The following HSDL2 variants were observed in gnomAD, a reference collection of about 807,000 sequenced individuals.
HSDL2 encodes hydroxysteroid dehydrogenase-like protein 2.
HSDL2 carries 27 observed loss-of-function variants against 46.3 expected under a neutral mutation model. That is an observed-to-expected ratio of 0.58 (90% CI 0.43 to 0.80). The LOEUF is 0.80. HSDL2 is among the 30% of genes least tolerant of loss of function. The pLI, the probability that HSDL2 is intolerant of heterozygous loss-of-function variation, is 0.00. For missense variants in HSDL2, 451 were observed against 502.7 expected (o/e 0.90, Z 0.98); for synonymous variants, 153 against 163.6 (o/e 0.94, Z 0.50).
chr9:112,422,188 C>T (rs939160582), intron 6 of HSDL2, among the ~76,000 whole-genome samples: 9 of 151,898 alleles, frequency 5.9e-5, no homozygotes, highest in East Asian at 3.8e-4. Context: ...CTATCCCGGG[C>T]GACAGAGTGA....
chr9:112,414,681 T>C (rs757098477), intron 4 of HSDL2, among the ~76,000 whole-genome samples: 1 of 152,186 alleles, frequency 6.6e-6, no homozygotes, highest in Non-Finnish European at 1.5e-5. Flanking sequence ...GTAGATTTAG[T>C]TTGTTTCTTC....
rs1832957156 is a variant in HSDL2, at chr9:112,454,129, G to A, written c.982G>A (p.Ala328Thr). 6.2e-7 allele frequency: 1 copy of A among 1,613,902 alleles called. No individual in the cohort carries two copies. The highest frequency in any genetic ancestry group is 8.5e-7 in the Non-Finnish European group (1 of 1,179,892). ...CTCTCTCAGTGATGATGTTGTTAAA[G>A]CCACTCAAGCAATCTATCTGTTTGA... is the stretch of plus-strand genomic sequence containing the variant. ...KDSLSDDVVK[A>T]TQAIYLFELS... is the part of the protein sequence containing the mutation. The change falls in exon 9 of 11, where the codon GCC (alanine) becomes ACC (threonine). Residue 328 changes from alanine (A) to threonine (T), a missense_variant. Transcript: ENST00000398805.
Position 112,440,208 on chromosome 9 carries a change from C to T in HSDL2, c.794-1491C>T, listed in dbSNP as rs139704783. Among the ~76,000 whole-genome samples the T allele has an allele frequency of 2.7e-3, 410 of 151,998 alleles. 2 individuals carry two copies. Among genetic ancestry groups the T allele is most frequent in the African/African-American group, 9.4e-3 (391 of 41,460 alleles). ...TAAAATTTTATTTAAATTAAAAATCCTATTAAGTATTGAGAACTTAAAATG... is the reference window on the plus strand; with the variant it reads ...TAAAATTTTATTTAAATTAAAAATCTTATTAAGTATTGAGAACTTAAAATG... On this transcript the variant is annotated intron_variant, in intron 7 of 10. Coordinates refer to ENST00000398805, the MANE Select transcript of HSDL2 (RefSeq NM_032303.5).
At chr9:112,421,065 C>T (rs1457196129) in intron 6 of HSDL2, among the ~76,000 whole-genome samples, 4 of 152,042 alleles carry the variant, frequency 2.6e-5, no homozygotes, top group African/African-American at 2.4e-5. Flanking sequence ...TGCAGTGGCT[C>T]GTGCTTGTAA....
intron 2 of HSDL2, among the ~76,000 whole-genome samples, chr9:112,404,591 T>C (rs998942128): frequency 9.3e-5 from 14 of 150,212 alleles, no homozygotes; most frequent in African/African-American, 3.4e-4. Context: ...GGAGGGGGAG[T>C]AGGGAAGTGG....
intron 8 of HSDL2, among the ~76,000 whole-genome samples, chr9:112,443,762 C>T (rs959172897): frequency 1.3e-5 from 2 of 152,188 alleles, no homozygotes; most frequent in Non-Finnish European, 2.9e-5. Context: ...ATTCTTTCCC[C>T]TGATAATCCA....
chr9:112,462,690 T>C (rs2132710513), intron 10 of HSDL2, among the ~76,000 whole-genome samples: 1 of 152,056 alleles, frequency 6.6e-6, no homozygotes, highest in South Asian at 2.1e-4. Flanking sequence ...GTTAAAACAG[T>C]ATTGTTGAGG....
rs35263826 is a variant in HSDL2 at position 112,416,105 on chromosome 9, C to CAA, written c.396-722_396-721dup. ...TGGGCAACAGAGCCAGACTCCGTCT[C>CAA]AAAAAAAAAAAAAAAGTGGATTGGC... On this transcript the variant is annotated intron_variant, in intron 4 of 10. Transcript: ENST00000398805. Among the ~76,000 whole-genome samples the CAA allele has an allele frequency of 8.5e-3, 1,119 of 131,962 alleles. 11 individuals are homozygous for CAA. Among genetic ancestry groups the CAA allele is most frequent in the African/African-American group, 0.026 (928 of 35,934 alleles). The allele number at this position is 131,962 out of a possible 152,430, so 86.6% of individuals were successfully genotyped here.
intron 3 of HSDL2, 105 bp from the exon 4 acceptor site, chr9:112,408,802 C>A: frequency 1.7e-6 from 1 of 601,834 alleles, no homozygotes; most frequent in Non-Finnish European, 3.0e-6. Flanking sequence ...AGGTGTGGTA[C>A]ATGACTGTAT....
At chr9:112,435,125 C>T (rs1832494925) in intron 6 of HSDL2, among the ~76,000 whole-genome samples, 1 of 152,054 alleles carries the variant, frequency 6.6e-6, no homozygotes, top group Non-Finnish European at 1.5e-5. Context: ...CAATGGCCCA[C>T]TCCTTGAGTT....
At chr9:112,462,161 C>G (rs930088699) in intron 10 of HSDL2, among the ~76,000 whole-genome samples, 2 of 152,060 alleles carry the variant, frequency 1.3e-5, no homozygotes, top group Non-Finnish European at 1.5e-5. Flanking sequence ...GTAGTGGATA[C>G]ATTATAAATA....
chr9:112,402,097 C>A (rs978363281), intron 1 of HSDL2, among the ~76,000 whole-genome samples: 4 of 152,118 alleles, frequency 2.6e-5, no homozygotes, highest in Non-Finnish European at 5.9e-5. Context: ...TTTTCTTTGT[C>A]ATTGTCACTT....
chr9:112,397,717 AT>A (rs1831489437), intron 1 of HSDL2, among the ~76,000 whole-genome samples: 1 of 152,150 alleles, frequency 6.6e-6, no homozygotes, highest in Non-Finnish European at 1.5e-5. Flanking sequence ...CAGGTACGGA[AT>A]TGTAAATGCT....
chr9:112,463,305 G>A (rs1475700709), intron 10 of HSDL2, among the ~76,000 whole-genome samples: 3 of 146,380 alleles, frequency 2.0e-5, no homozygotes, highest in Non-Finnish European at 3.0e-5. Flanking sequence ...ATAGGGTCTC[G>A]CTTTGCTGCC....
intron 8 of HSDL2, among the ~76,000 whole-genome samples, chr9:112,449,208 T>C (rs1832823267): frequency 6.6e-6 from 1 of 150,514 alleles, no homozygotes; most frequent in Non-Finnish European, 1.5e-5. Context: ...TGCCTCAGCC[T>C]CCTGAGTAGC....
At chr9:112,420,939 C>T (rs927341180) in intron 6 of HSDL2, among the ~76,000 whole-genome samples, 5 of 132,306 alleles carry the variant, frequency 3.8e-5, no homozygotes, top group Non-Finnish European at 4.9e-5. Context: ...ATTAAATGAG[C>T]GCTGGTAATT....
intron 1 of HSDL2, among the ~76,000 whole-genome samples, chr9:112,381,920 C>T (rs909222832): frequency 2.6e-5 from 4 of 151,960 alleles, no homozygotes; most frequent in African/African-American, 4.8e-5. Flanking sequence ...AGGATAAACT[C>T]CTGGAAGTGA....
intron 1 of HSDL2, among the ~76,000 whole-genome samples, chr9:112,386,153 T>C (rs938962706): frequency 6.6e-6 from 1 of 152,126 alleles, no homozygotes. Context: ...TAATATATTT[T>C]AATTCTCTTT....
chr9:112,432,274 G>T (rs1832425311), intron 6 of HSDL2, among the ~76,000 whole-genome samples: 1 of 152,174 alleles, frequency 6.6e-6, no homozygotes. Context: ...AAATGGGACT[G>T]ATCGTCAGGT....
Sources: gnomAD v4.1 joint callset for allele counts (sites outside exome capture counted in the v4.1 genomes callset) on GRCh38, gnomAD v4.1.1 for gene constraint, MANE v1.5 for transcripts, NCBI Gene and HGNC (gene_info 2026-07-23, HGNC 2026-07-21) for gene names.